NACA: variants seen among roughly 807,000 people sequenced by gnomAD.
NACA encodes nascent polypeptide associated complex subunit alpha, also known as nascent polypeptide-associated complex subunit alpha.
A neutral mutation model predicts 86.4 loss-of-function variants in NACA; 42 were observed. That is an observed-to-expected ratio of 0.49 (90% confidence interval 0.38 to 0.63). The LOEUF (loss-of-function observed/expected upper bound fraction) is 0.63, where lower values mean the gene tolerates loss of function less well. Ranked by LOEUF, NACA falls within the 20% of genes least tolerant of loss-of-function variation. The pLI, the probability that NACA is intolerant of heterozygous loss-of-function variation, is 0.00. For missense variants in NACA, 2,157 were observed against 2,483.6 expected, an observed-to-expected ratio of 0.87 and a Z score of 2.80; for synonymous variants, 898 against 973.7, an observed-to-expected ratio of 0.92 and a Z score of 1.45.
intron 1 of NACA, chr12:56,724,734 A>G: frequency 1.8e-6 from 1 of 555,260 alleles, no homozygotes; most frequent in Non-Finnish European, 3.2e-6. Context: ...TTCCCACTGC[A>G]TTCTCAACCC....
At chr12:56,714,724 A>C (rs1329541159) in intron 3 of NACA, 37 bp from the exon 4 acceptor site, 3 of 1,585,978 alleles carry the variant, frequency 1.9e-6, no homozygotes, top group Non-Finnish European at 2.6e-6. Context: ...TTTATAGTAG[A>C]AATTATAAGA....
rs192511809 is a variant in NACA, at chr12:56,720,634, G to C, written c.896C>G (p.Pro299Arg). 2.7e-4 allele frequency: 432 copies of C among 1,613,676 alleles called. 3 individuals are homozygous for C. In the African/African-American group the frequency reaches 4.7e-3, roughly 18 times the overall value. ...SQKTAGPNTP[P>R]DFPISLGSHL... ...AGAGCCCAGAGAAATGGGAAAATCTGGGGGGGTGTTGGGACCCGCAGTCTT... is the reference window on the plus strand; with the variant it reads ...AGAGCCCAGAGAAATGGGAAAATCTCGGGGGGTGTTGGGACCCGCAGTCTT... Residue 299 changes from proline to arginine, a missense_variant, in exon 3 of 9, where the codon CCA (proline) becomes CGA (arginine). Around this residue, in one of 8 missense-constraint regions of NACA, gnomAD observed 947 missense variants for 917.9 expected, o/e 1.03. Coordinates refer to ENST00000454682, the MANE Select transcript of NACA (RefSeq NM_001365896.1).
At position 56,716,402 on chromosome 12, in the gene NACA, A is replaced by G. The variant is rs1273081733; in HGVS notation, c.5128T>C (p.Ser1710Pro). Residue 1710 changes from serine to proline, a missense_variant, in exon 3 of 9, where the codon TCT becomes CCT. This residue lies in a region of NACA where 797 missense variants were observed against 777.6 expected (regional missense o/e 1.02). Transcript: ENST00000454682. ...GGGCATATAGGAGGTGAAGTAGCAGAACTCTTTTTGGTCTGTGGACCTTTC... is the reference window on the plus strand; with the variant it reads ...GGGCATATAGGAGGTGAAGTAGCAGGACTCTTTTTGGTCTGTGGACCTTTC... ...TRKGPQTKKSSATSPPICPDP... is the reference protein window; with the variant it reads ...TRKGPQTKKSPATSPPICPDP... The G allele has an allele frequency of 6.2e-7, 1 of 1,605,306 alleles. No homozygotes were observed. The highest frequency in any genetic ancestry group is 1.1e-5 in the South Asian group (1 of 90,168).
At chr12:56,724,587 A>G (rs1182044542) in intron 1 of NACA, 64 bp from the exon 2 acceptor site, 14 of 1,520,406 alleles carry the variant, frequency 9.2e-6, no homozygotes, top group Admixed American at 2.0e-5. Flanking sequence ...CCCAACCCGG[A>G]GATAAGTATT....
Position 56,716,246 on chromosome 12 carries a change from A to G in NACA, c.5284T>C (p.Leu1762=), listed in dbSNP as rs781237360. Residue 1762 remains leucine, a synonymous_variant, in exon 3 of 9, where the codon TTG becomes CTG. Transcript: ENST00000454682. ...KDASHSPKGP[L]APPESKASTP... The stretch of plus-strand genomic sequence containing the variant: ...GACGCCTTAGACTCAGGAGGAGCCA[A>G]GGGGCCCTTTGGGGAATGAGAAGCA... The G allele has an allele frequency of 2.5e-6, 4 of 1,613,832 alleles. No individual in the cohort carries two copies. In the Admixed American group the frequency reaches 6.7e-5, roughly 27 times the overall value.
chr12:56,722,687 G>A (rs1278870890), intron 2 of NACA, among the ~76,000 whole-genome samples: 2 of 70,218 alleles, frequency 2.8e-5, no homozygotes, highest in African/African-American at 9.0e-5. Flanking sequence ...GTGAGACTCC[G>A]TCTCAAAACA....
In NACA at chr12:56,718,553, G is replaced by A; in HGVS notation, c.2977C>T (p.Pro993Ser). The A allele has an allele frequency of 1.6e-6, 2 of 1,253,590 alleles. No homozygotes were observed. The highest frequency in any genetic ancestry group is 2.0e-6 in the Non-Finnish European group (2 of 979,958). 77.7% of individuals were successfully genotyped at this position (1,253,590 alleles called of 1,614,324 possible). Reference protein sequence around the residue: ...KGAPTPPAATPPSPKGGPATP... With the variant: ...KGAPTPPAATSPSPKGGPATP... ...GCTGGACCTCCTTTGGGGGAGGGAG[G>A]AGTTGCAGCTGGGGGTGTGGGGGCC... The change falls in exon 3 of 9, where the codon CCT becomes TCT. Residue 993 changes from proline (P) to serine (S), a missense_variant. Pro to Ser is a moderately conservative substitution (Grantham distance 74). This residue lies in a region of NACA where 124 missense variants were observed against 186.5 expected (regional missense o/e 0.66). Coordinates refer to ENST00000454682, the MANE Select transcript of NACA (RefSeq NM_001365896.1).
intron 3 of NACA, 136 bp from the exon 4 acceptor site, chr12:56,714,823 G>A: frequency 1.3e-6 from 1 of 777,044 alleles, no homozygotes; most frequent in Non-Finnish European, 2.1e-6. Context: ...ACTGGCTTGT[G>A]TGAAGTCAGC....
rs528092400 is a variant in NACA at position 56,717,355 on chromosome 12, C to T, written c.4175G>A (p.Gly1392Glu). 8.2e-6 allele frequency: 11 copies of T among 1,346,624 alleles called. No homozygotes were observed. The South Asian group carries it at 9.2e-5, about 11-fold the overall frequency. The allele number at this position is 1,346,624 out of a possible 1,614,324, so 83.4% of individuals were successfully genotyped here. The change falls in exon 3 of 9, where the codon GGA becomes GAA. Residue 1392 changes from glycine to glutamate, a missense_variant. Physicochemically the swap from Gly to Glu is moderately conservative, Grantham distance 98. This residue lies in a region of NACA where 797 missense variants were observed against 777.6 expected (regional missense o/e 1.02). Coordinates refer to ENST00000454682, the MANE Select transcript of NACA (RefSeq NM_001365896.1). ...PAMTPPSPKR[G>E]PAIPSPKGDP... is the part of the protein sequence containing the mutation. ...CCCTTTGGGAGATGGGATAGCTGGT[C>T]CTCTTTTGGGGGAGGGAGGAGTCAT...
In NACA at chr12:56,718,833, AC is replaced by A; in HGVS notation, c.2696del (p.Gly899ValfsTer15). On this transcript the variant is annotated frameshift_variant, in exon 3 of 9. Coordinates refer to ENST00000454682, the MANE Select transcript of NACA (RefSeq NM_001365896.1). LOFTEE classifies it high-confidence loss of function. ...SVVNLPFPKE[G>X]PATPAPKQAP... Reference sequence around the variant, plus strand: ...CCTGTTTGGGTGCTGGAGTAGCTGGACCCTCTTTGGGGAAGGGCAGATTCAC... The same window carrying A: ...CCTGTTTGGGTGCTGGAGTAGCTGGACCTCTTTGGGGAAGGGCAGATTCAC... 7.0e-7 allele frequency: 1 copy of A among 1,427,180 alleles called. No individual in the cohort carries two copies. The highest frequency in any genetic ancestry group is 1.5e-5 in the African/African-American group (1 of 67,312). The allele number at this position is 1,427,180 out of a possible 1,614,324, so 88.4% of individuals were successfully genotyped here.
Position 56,717,127 on chromosome 12 carries a change from G to A in NACA, c.4403C>T (p.Pro1468Leu). 1 of 1,285,952 alleles carries A rather than the reference G, an allele frequency of 7.8e-7. No homozygotes were observed. The highest frequency in any genetic ancestry group is 1.0e-6 in the Non-Finnish European group (1 of 997,260). The allele number at this position is 1,285,952 out of a possible 1,614,324, so 79.7% of individuals were successfully genotyped here. A position where few individuals can be genotyped will look rare whatever the true frequency, so the allele number is the denominator to read the frequency against. ...TPSSKGDPTL[P>L]AVTPPSPKEP... ...CTTGGGGGAAGGAGGAGTCACTGCT[G>A]GGAGGGTGGGATCCCCTTTGGAGGA... The change falls in exon 3 of 9, where the codon CCA (proline) becomes CTA (leucine). Residue 1468 changes from proline (P) to leucine (L), a missense_variant. Physicochemically the swap from Pro to Leu is moderately conservative, Grantham distance 98. Around this residue, in one of 8 missense-constraint regions of NACA, gnomAD observed 797 missense variants for 777.6 expected, o/e 1.02. Coordinates refer to ENST00000454682, the MANE Select transcript of NACA (RefSeq NM_001365896.1).
At position 56,720,701 on chromosome 12, in the gene NACA, A is replaced by G. The variant is rs565506631; in HGVS notation, c.829T>C (p.Ser277Pro). 3 of 1,613,932 alleles carry G rather than the reference A, an allele frequency of 1.9e-6. No individual in the cohort carries two copies. The highest frequency in any genetic ancestry group is 2.7e-5 in the African/African-American group (2 of 75,030). Residue 277 changes from serine (S) to proline (P), a missense_variant, in exon 3 of 9, where the codon TCT (serine) becomes CCT (proline). Ser to Pro is a moderately conservative substitution (Grantham distance 74). This residue lies in a region of NACA where 947 missense variants were observed against 917.9 expected (regional missense o/e 1.03). Transcript: ENST00000454682. ...ACAGGAAGAGACTGAGTTGAAAGAGATAAGGCAGCAGGTGGACTAACAGGC... is the reference window on the plus strand; with the variant it reads ...ACAGGAAGAGACTGAGTTGAAAGAGGTAAGGCAGCAGGTGGACTAACAGGC... ...KGPVSPPAAL[S>P]LSTQSLPVVT...
rs370422156 is a variant in NACA, at chr12:56,719,435, G to C, written c.2095C>G (p.Pro699Ala). ...PVKEGTLTTL[P>A]LVPTASENCP... ...TTTTCTGAAGCTGTAGGAACCAAGG[G>C]TAAAGTAGTAAGAGTACCTTCCTTA... Residue 699 changes from proline (P) to alanine (A), a missense_variant, in exon 3 of 9, where the codon CCC (proline) becomes GCC (alanine). Physicochemically the swap from Pro to Ala is conservative, Grantham distance 27. Around this residue, in one of 8 missense-constraint regions of NACA, gnomAD observed 947 missense variants for 917.9 expected, o/e 1.03. Coordinates refer to ENST00000454682, the MANE Select transcript of NACA (RefSeq NM_001365896.1). 6.2e-7 allele frequency: 1 copy of C among 1,613,116 alleles called. No individual in the cohort carries two copies. Among genetic ancestry groups the C allele is most frequent in the East Asian group, 2.2e-5 (1 of 44,880 alleles).
At chr12:56,724,631 A>G (rs1007267312) in intron 1 of NACA, 108 bp from the exon 2 acceptor site, 68 of 1,222,546 alleles carry the variant, frequency 5.6e-5, no homozygotes, top group Non-Finnish European at 6.6e-5. Flanking sequence ...TTAGAAAAAA[A>G]TCGTGAGGGT....
chr12:56,719,574 A>G lies in NACA; in HGVS notation c.1956T>C (p.Ser652=), dbSNP rs1408671643. Residue 652 remains serine (S), a synonymous_variant, in exon 3 of 9, where the codon AGT becomes AGC. Transcript: ENST00000454682. ...TGGGAGCCACCCCGGCAGGGTCAGC[A>G]CTTTCCAAAGGAAATGCAGCCACTG... is the stretch of plus-strand genomic sequence containing the variant. ...TPTVAAFPLE[S]ADPAGVAPTT... is the part of the protein sequence containing the mutation. 1 of 1,613,782 alleles carries G rather than the reference A, an allele frequency of 6.2e-7. No homozygotes were observed. The highest frequency in any genetic ancestry group is 1.7e-5 in the Admixed American group (1 of 60,004).
rs764596433 is a variant in NACA at position 56,719,809 on chromosome 12, T to C, written c.1721A>G (p.Gln574Arg). The change falls in exon 3 of 9, where the codon CAA (glutamine) becomes CGA (arginine). Residue 574 changes from glutamine to arginine, a missense_variant. Around this residue, in one of 8 missense-constraint regions of NACA, gnomAD observed 947 missense variants for 917.9 expected, o/e 1.03. Coordinates refer to ENST00000454682, the MANE Select transcript of NACA (RefSeq NM_001365896.1). ...QAAPKNSPSF[Q>R]STSSSPEIPL... ...TATCTCTGGAGAAGAGGATGTACTTTGGAAAGAAGGGGAATTTTTAGGGGC... is the reference window on the plus strand; with the variant it reads ...TATCTCTGGAGAAGAGGATGTACTTCGGAAAGAAGGGGAATTTTTAGGGGC... 1 of 1,613,338 alleles carries C rather than the reference T, an allele frequency of 6.2e-7. No homozygotes were observed. The highest frequency in any genetic ancestry group is 8.5e-7 in the Non-Finnish European group (1 of 1,179,830).
chr12:56,718,776 G>C lies in NACA; in HGVS notation c.2754C>G (p.Pro918=), dbSNP rs571910842. 13 of 1,446,328 alleles carry C rather than the reference G, an allele frequency of 9.0e-6. No individual in the cohort carries two copies. Among genetic ancestry groups the C allele is most frequent in the Admixed American group, 1.8e-5 (1 of 54,912 alleles). The allele number at this position is 1,446,328 out of a possible 1,614,324, so 89.6% of individuals were successfully genotyped here. The change falls in exon 3 of 9, where the codon CCC becomes CCG. Residue 918 remains proline, a synonymous_variant. Transcript: ENST00000454682. The part of the protein sequence containing the change: ...APALSMTSSS[P]KKARATPAPK... ...GGGCTGGAGTTGCTCGGGCCTTTTT[G>C]GGGGAGGAAGAAGTCATGGATAGAG...
At position 56,716,033 on chromosome 12, in the gene NACA, C is replaced by T. The variant is rs572194163; in HGVS notation, c.5497G>A (p.Ala1833Thr). 63 of 1,606,544 alleles carry T rather than the reference C, an allele frequency of 3.9e-5. No homozygotes were observed. In the East Asian group the frequency reaches 9.6e-4, roughly 25 times the overall value. Residue 1833 changes from alanine to threonine, a missense_variant, in exon 3 of 9, where the codon GCC becomes ACC. Ala to Thr is a moderately conservative substitution (Grantham distance 58). Transcript: ENST00000454682. ...LVLESPSKPL[A>T]PADEDELLPL... ...AGCAGCTCATCCTCATCAGCAGGGG[C>T]AAGGGGTTTAGAGGGTGATTCCAAC...
In NACA at chr12:56,716,287, G is replaced by A; in HGVS notation, c.5243C>T (p.Thr1748Ile). Residue 1748 changes from threonine (T) to isoleucine (I), a missense_variant, in exon 3 of 9, where the codon ACA becomes ATA. Coordinates refer to ENST00000454682, the MANE Select transcript of NACA (RefSeq NM_001365896.1). ...ATGAGAAGCATCTTTGCCTTTTGCT[G>A]TCTTTGAAGAGTCTTTCTGAACAGG... ...LLPVQKDSSKTAKGKDASHSP... is the reference protein window; with the variant it reads ...LLPVQKDSSKIAKGKDASHSP... The A allele has an allele frequency of 6.2e-7, 1 of 1,613,398 alleles. No individual in the cohort carries two copies. Among genetic ancestry groups the A allele is most frequent in the Non-Finnish European group, 8.5e-7 (1 of 1,179,828 alleles).
Sources: allele counts gnomAD v4.1 joint callset (sites outside exome capture counted in the v4.1 genomes callset), GRCh38; gene constraint gnomAD v4.1.1; regional missense constraint gnomAD v4.1.1; transcripts MANE v1.5; gene names NCBI Gene and HGNC (gene_info 2026-07-23, HGNC 2026-07-21).